The following KAT6B variants were observed in gnomAD, a reference collection of about 807,000 sequenced individuals.
KAT6B encodes lysine acetyltransferase 6B, also known as histone acetyltransferase KAT6B.
In KAT6B, 10 loss-of-function variants were observed where a neutral mutation model predicts 187.5. The observed-to-expected ratio is 0.05, with a 90% CI of 0.03 to 0.09. KAT6B has a LOEUF of 0.09. Ranked by LOEUF, KAT6B falls within the 10% of genes least tolerant of loss-of-function variation. KAT6B has a pLI of 1.00. For synonymous variants in KAT6B, 861 were observed against 926.8 expected (o/e 0.93, Z 1.29); for missense variants, 1,952 against 2,558.9 (o/e 0.76, Z 5.12).
chr10:74,838,191 A>G (rs1363156676), intron 1 of KAT6B, among the ~76,000 whole-genome samples: 2 of 152,174 alleles, frequency 1.3e-5, no homozygotes, highest in Non-Finnish European at 2.9e-5. Flanking sequence ...AGGTGAGCTT[A>G]TTGGTCATAT....
chr10:74,889,194 A>G (rs536075126), intron 3 of KAT6B, among the ~76,000 whole-genome samples: 5 of 152,024 alleles, frequency 3.3e-5, no homozygotes, highest in Non-Finnish European at 4.4e-5. Flanking sequence ...ATGTTGTCAA[A>G]TTTTTTTTAC....
intron 3 of KAT6B, among the ~76,000 whole-genome samples, chr10:74,868,044 G>T (rs1843673985): frequency 6.6e-6 from 1 of 152,200 alleles, no homozygotes; most frequent in African/African-American, 2.4e-5. Flanking sequence ...AATATTTGGT[G>T]TCAGAAACAT....
At chr10:74,912,579 T>C (rs182668487) in intron 3 of KAT6B, among the ~76,000 whole-genome samples, 7 of 152,336 alleles carry the variant, frequency 4.6e-5, no homozygotes, top group African/African-American at 1.7e-4. Context: ...AGCTTATTTA[T>C]TATGTGAGCA....
At chr10:74,974,611 G>C (rs1842043087) in intron 7 of KAT6B, among the ~76,000 whole-genome samples, 1 of 152,172 alleles carries the variant, frequency 6.6e-6, no homozygotes, top group Admixed American at 6.5e-5. Flanking sequence ...CTACTCAACA[G>C]TATGGGCAGA....
intron 3 of KAT6B, among the ~76,000 whole-genome samples, chr10:74,845,161 G>A (rs1407780793): frequency 1.3e-5 from 2 of 151,976 alleles, no homozygotes; most frequent in African/African-American, 4.8e-5. Context: ...AGAGGCTGCA[G>A]TGAGCCTTGA....
intron 13 of KAT6B, among the ~76,000 whole-genome samples, chr10:74,992,750 C>A (rs905005836): frequency 6.6e-6 from 1 of 152,174 alleles, no homozygotes; most frequent in Non-Finnish European, 1.5e-5. Context: ...CAGAGTAAGT[C>A]ATTTGTATAT....
chr10:74,896,820 A>G (rs897653695), intron 3 of KAT6B, among the ~76,000 whole-genome samples: 1 of 152,214 alleles, frequency 6.6e-6, no homozygotes, highest in Non-Finnish European at 1.5e-5. Context: ...GAGGTTGTTT[A>G]ATGAATTCTG....
At chr10:75,014,514 T>A (rs1355388844) in intron 13 of KAT6B, among the ~76,000 whole-genome samples, 2 of 152,216 alleles carry the variant, frequency 1.3e-5, no homozygotes, top group African/African-American at 2.4e-5. Context: ...ATCTTTTAGA[T>A]GAATTAATAA....
chr10:74,996,954 A>G (rs1843474347), intron 13 of KAT6B, among the ~76,000 whole-genome samples: 1 of 152,122 alleles, frequency 6.6e-6, no homozygotes, highest in African/African-American at 2.4e-5. Flanking sequence ...ATAATGAGAA[A>G]GATGTTTGAT....
chr10:74,855,334 G>A (rs1842749977), intron 3 of KAT6B, among the ~76,000 whole-genome samples: 1 of 152,218 alleles, frequency 6.6e-6, no homozygotes, highest in Non-Finnish European at 1.5e-5. Context: ...GACCAGCCCT[G>A]CTTTTTGTCC....
At position 75,029,811 on chromosome 10, in the gene KAT6B, G is replaced by A. The variant is rs777433819; in HGVS notation, c.4987G>A (p.Val1663Ile). ...PSVSDHSQQVVDSGFSDLGSI... is the reference protein window; with the variant it reads ...PSVSDHSQQVIDSGFSDLGSI... ...AGTTTCAGATCATTCACAGCAAGTCGTAGACAGTGGATTTAGTGACCTGGG... is the reference window on the plus strand; with the variant it reads ...AGTTTCAGATCATTCACAGCAAGTCATAGACAGTGGATTTAGTGACCTGGG... The change falls in exon 18 of 18, where the codon GTA (valine) becomes ATA (isoleucine). Residue 1663 changes from valine to isoleucine, a missense_variant. Transcript: ENST00000287239. The surrounding 1 kb of genome is among the most constrained non-coding windows in gnomAD (Gnocchi z 6.2). The A allele has an allele frequency of 1.1e-5, 18 of 1,614,058 alleles. No individual in the cohort carries two copies. Among genetic ancestry groups the A allele is most frequent in the East Asian group, 2.2e-5 (1 of 44,890 alleles).
intron 13 of KAT6B, 52 bp from the exon 14 acceptor site, chr10:75,020,530 A>G: frequency 7.8e-7 from 1 of 1,277,362 alleles, no homozygotes. Flanking sequence ...CTCCTGTTCT[A>G]AGCTCTGGGA....
chr10:74,868,209 G>A (rs1843682151), intron 3 of KAT6B, among the ~76,000 whole-genome samples: 1 of 152,122 alleles, frequency 6.6e-6, no homozygotes, highest in Admixed American at 6.5e-5. Context: ...CTTTTGGTTT[G>A]TAGGGTTGTT....
At chr10:74,854,620 C>T (rs1274963864) in intron 3 of KAT6B, among the ~76,000 whole-genome samples, 1 of 151,902 alleles carries the variant, frequency 6.6e-6, no homozygotes, top group Non-Finnish European at 1.5e-5. Flanking sequence ...TAAGCAAAAT[C>T]CAGGAAGGAT....
At chr10:74,990,529 GATT>G (rs1469435878) in intron 13 of KAT6B, among the ~76,000 whole-genome samples, 1 of 152,064 alleles carries the variant, frequency 6.6e-6, no homozygotes, top group African/African-American at 2.4e-5. Flanking sequence ...GAAGAATTTT[GATT>G]ATTTTTCTCT....
intron 3 of KAT6B, among the ~76,000 whole-genome samples, chr10:74,901,788 CA>C (rs893067910): frequency 6.6e-5 from 10 of 152,082 alleles, no homozygotes; most frequent in African/African-American, 2.4e-4. Flanking sequence ...GAAGTAAAAA[CA>C]AATCTAAATT....
intron 11 of KAT6B, chr10:74,983,401 C>G (rs1842635192): frequency 6.6e-6 from 1 of 152,276 alleles, no homozygotes; most frequent in African/African-American, 2.4e-5. Context: ...ATGCACGTTG[C>G]CTGACCTTCC....
At position 75,029,540 on chromosome 10, in the gene KAT6B, A is replaced by G; in HGVS notation, c.4716A>G (p.Leu1572=). 3 of 1,614,140 alleles carry G rather than the reference A, an allele frequency of 1.9e-6. No individual in the cohort carries two copies. Among genetic ancestry groups the G allele is most frequent in the Non-Finnish European group, 2.5e-6 (3 of 1,180,016 alleles). The change falls in exon 18 of 18, where the codon CTA becomes CTG. Residue 1572 remains leucine, a synonymous_variant. Transcript: ENST00000287239. The surrounding 1 kb of genome is among the most constrained non-coding windows in gnomAD (Gnocchi z 6.2). ...CAETQEACRS[L]QNYTRADQSP... ...AGACTCAAGAGGCCTGTAGAAGCCT[A>G]CAGAACTACACCCGTGCAGACCAAA...
intron 15 of KAT6B, 123 bp from the exon 16 acceptor site, chr10:75,021,758 T>A (rs1050705072): frequency 5.4e-6 from 5 of 919,320 alleles, no homozygotes; most frequent in Non-Finnish European, 8.7e-6. Context: ...GCAGCTGGAA[T>A]GTGCTTGGCT....
Sources: allele counts gnomAD v4.1 joint callset (sites outside exome capture counted in the v4.1 genomes callset), GRCh38; gene constraint gnomAD v4.1.1; non-coding constraint Gnocchi (gnomAD v3.1); transcripts MANE v1.5; gene names NCBI Gene and HGNC (gene_info 2026-07-23, HGNC 2026-07-21).